Variants in OR2L13 observed in about 807,000 individuals in gnomAD.
OR2L13 encodes olfactory receptor family 2 subfamily L member 13, also known as olfactory receptor 2L13.
Under a neutral mutation model 15.3 loss-of-function variants are expected in OR2L13, and 14 were observed. The ratio of observed to expected loss-of-function variants is 0.91; its 90% CI spans 0.60 to 1.43. The LOEUF is 1.43. Among genes scored for constraint, OR2L13 ranks in the 40% most tolerant of loss-of-function variants. OR2L13 has a pLI of 0.00. For synonymous variants in OR2L13, 152 were observed against 142.9 expected, an observed-to-expected ratio of 1.06 and a Z score of -0.45; for missense variants, 367 against 387.9, an observed-to-expected ratio of 0.95 and a Z score of 0.45.
At chr1:247,958,727 G>C in the OR2L13 span, among the ~76,000 whole-genome samples, 2 of 151,730 alleles carry the variant, frequency 1.3e-5, no homozygotes, top group Admixed American at 1.3e-4. Flanking sequence ...GATCTTTGTT[G>C]GTTTAAAGTC....
At chr1:248,058,941 T>TA in the OR2L13 span, among the ~76,000 whole-genome samples, 2 of 152,110 alleles carry the variant, frequency 1.3e-5, no homozygotes, top group Non-Finnish European at 2.9e-5. Flanking sequence ...TAATATTTTT[T>TA]ATCAATTATT....
chr1:248,058,530 T>TTATA, the OR2L13 span, among the ~76,000 whole-genome samples: 7 of 151,136 alleles, frequency 4.6e-5, no homozygotes, highest in Non-Finnish European at 8.9e-5. Flanking sequence ...TAAAACCTGG[T>TTATA]TATATATATA....
the OR2L13 span, chr1:248,063,181 T>C: frequency 2.0e-5 from 3 of 152,238 alleles, no homozygotes; most frequent in Admixed American, 2.0e-4. Context: ...TGTAGTTTGG[T>C]TATTTAAATA....
chr1:247,988,427 A>G, the OR2L13 span, among the ~76,000 whole-genome samples: 6 of 152,124 alleles, frequency 3.9e-5, no homozygotes, highest in African/African-American at 7.2e-5. Context: ...TGTGGATTTC[A>G]TAACATATCA....
the OR2L13 span, among the ~76,000 whole-genome samples, chr1:248,067,414 A>C: frequency 6.6e-6 from 1 of 151,932 alleles, no homozygotes; most frequent in Admixed American, 6.6e-5. Context: ...TCCAGGAAAA[A>C]CTCCTAAGTA....
chr1:248,046,695 G>C, the OR2L13 span: 1 of 152,102 alleles, frequency 6.6e-6, no homozygotes, highest in Admixed American at 6.6e-5. Flanking sequence ...CATTCTCCAG[G>C]TAAAGAAGGA....
the OR2L13 span, chr1:248,038,434 C>A: frequency 6.2e-7 from 1 of 1,613,796 alleles, no homozygotes; most frequent in South Asian, 1.1e-5. Context: ...CATCTCCACA[C>A]ACCTATGTAT....
the OR2L13 span, among the ~76,000 whole-genome samples, chr1:247,958,739 A>G: frequency 5.3e-5 from 8 of 151,730 alleles, no homozygotes; most frequent in East Asian, 1.4e-3. Context: ...TTTAAAGTCT[A>G]TTTTGTCAGA....
At chr1:247,988,440 C>G in the OR2L13 span, among the ~76,000 whole-genome samples, 1 of 151,956 alleles carries the variant, frequency 6.6e-6, no homozygotes, top group Non-Finnish European at 1.5e-5. Flanking sequence ...ACATATCATA[C>G]ATATTTTCCT....
At chr1:248,054,618 G>A in the OR2L13 span, among the ~76,000 whole-genome samples, 4 of 151,982 alleles carry the variant, frequency 2.6e-5, no homozygotes, top group African/African-American at 4.8e-5. Flanking sequence ...TGATTTCCTT[G>A]AACAATGGTT....
chr1:248,090,979 G>T (rs562208597), upstream of OR2L13, among the ~76,000 whole-genome samples: 1 of 152,136 alleles, frequency 6.6e-6, no homozygotes, highest in South Asian at 2.1e-4. Flanking sequence ...TACCCATTCT[G>T]ACTGGTTATG....
chr1:248,020,594 G>A, the OR2L13 span, among the ~76,000 whole-genome samples: 2 of 152,172 alleles, frequency 1.3e-5, no homozygotes, highest in Admixed American at 6.5e-5. Context: ...GAAACTGAAT[G>A]AGGAGGCAAA....
At chr1:247,957,822 T>A in the OR2L13 span, among the ~76,000 whole-genome samples, 1 of 152,168 alleles carries the variant, frequency 6.6e-6, no homozygotes, top group Non-Finnish European at 1.5e-5. Context: ...ATCTATTTGA[T>A]TCTTCTCTGT....
chr1:248,022,174 T>C, the OR2L13 span: 1 of 1,614,040 alleles, frequency 6.2e-7, no homozygotes, highest in Non-Finnish European at 8.5e-7. Context: ...ATCTCTACGA[T>C]TGTTCCTAAG....
chr1:248,038,154 CCA>C, the OR2L13 span: 2 of 727,178 alleles, frequency 2.8e-6, no homozygotes, highest in Admixed American at 5.1e-5. Flanking sequence ...AGTATCAACC[CCA>C]GTTTCAGGCA....
chr1:247,944,382 T>G, the OR2L13 span, among the ~76,000 whole-genome samples: 1 of 152,116 alleles, frequency 6.6e-6, no homozygotes, highest in Admixed American at 6.6e-5. Flanking sequence ...GGCATGGTGG[T>G]TTGCTGCTTT....
the OR2L13 span, chr1:248,022,475 T>C: frequency 6.2e-7 from 1 of 1,614,234 alleles, no homozygotes; most frequent in Non-Finnish European, 8.5e-7. Flanking sequence ...TCAATCATTT[T>C]TTCTGTGATG....
At chr1:248,099,214 A>T in intron 2 of OR2L13, 144 bp from the exon 3 acceptor site, 2 of 606,578 alleles carry the variant, frequency 3.3e-6, no homozygotes, top group Non-Finnish European at 5.8e-6. Context: ...CAGATATAGA[A>T]ATTGATTAAA....
the OR2L13 span, among the ~76,000 whole-genome samples, chr1:247,969,922 C>T: frequency 6.6e-6 from 1 of 152,144 alleles, no homozygotes; most frequent in African/African-American, 2.4e-5. Flanking sequence ...GTGCATACAA[C>T]ATGGGTTGGT....
Sources: allele counts gnomAD v4.1 joint callset (sites outside exome capture counted in the v4.1 genomes callset), GRCh38; gene constraint gnomAD v4.1.1; transcripts MANE v1.5; gene names NCBI Gene and HGNC (gene_info 2026-07-23, HGNC 2026-07-21).